DHRSX: variants seen among roughly 807,000 people sequenced by gnomAD.
DHRSX encodes the protein dehydrogenase/reductase X-linked, also known as polyprenol dehydrogenase.
A neutral mutation model predicts 34.0 loss-of-function variants in DHRSX; 31 were observed. The observed-to-expected ratio is 0.91, with a 90% CI of 0.69 to 1.23. The LOEUF (loss-of-function observed/expected upper bound fraction) is 1.23, where lower values mean the gene tolerates loss of function less well. DHRSX is among the 50% of genes most tolerant of loss of function. The pLI, the probability that DHRSX is intolerant of heterozygous loss-of-function variation, is 0.00. For synonymous variants in DHRSX, 201 were observed against 183.8 expected (o/e 1.09, Z -0.76); for missense variants, 414 against 428.1 (o/e 0.97, Z 0.29).
At chrX:2,431,875 C>A (rs1450551980) in intron 1 of DHRSX, among the ~76,000 whole-genome samples, 2 of 152,148 alleles carry the variant, frequency 1.3e-5, no homozygotes, top group Admixed American at 1.3e-4. Context: ...GGGAACAAAC[C>A]TGCACATGTA....
At chrX:2,490,160 T>G in intron 1 of DHRSX, 1 of 1,613,956 alleles carries the variant, frequency 6.2e-7, no homozygotes, top group Non-Finnish European at 8.5e-7. Flanking sequence ...CTCGGCCAGC[T>G]CCTTCAGGAT....
At chrX:2,382,405 T>A (rs1394215704) in intron 3 of DHRSX, among the ~76,000 whole-genome samples, 1 of 152,068 alleles carries the variant, frequency 6.6e-6, no homozygotes, top group Non-Finnish European at 1.5e-5. Flanking sequence ...AAGGGGTTGG[T>A]TCTTTCACAG....
intron 1 of DHRSX, among the ~76,000 whole-genome samples, chrX:2,498,374 TA>T (rs889201919): frequency 1.1e-4 from 16 of 152,062 alleles, no homozygotes; most frequent in Non-Finnish European, 1.9e-4. Context: ...GAGAAGCAAA[TA>T]AAAAATGCCG....
chrX:2,488,857 G>T (rs1192277347), intron 1 of DHRSX: 1 of 1,613,650 alleles, frequency 6.2e-7, no homozygotes, highest in East Asian at 2.2e-5. Flanking sequence ...CGGATCCGAA[G>T]AGACGCTCAG....
At chrX:2,430,327 G>T (rs2043902523) in intron 1 of DHRSX, among the ~76,000 whole-genome samples, 2 of 151,132 alleles carry the variant, frequency 1.3e-5, no homozygotes, top group Admixed American at 1.3e-4. Flanking sequence ...TTAGCTAGAA[G>T]AGTTTAGTGT....
At chrX:2,319,292 C>G (rs188134356) in intron 3 of DHRSX, among the ~76,000 whole-genome samples, 1,903 of 146,290 alleles carry the variant, frequency 0.013, 55 homozygotes, top group African/African-American at 0.044. Context: ...CGCCTATAAT[C>G]CCAGCAGTTT....
intron 1 of DHRSX, among the ~76,000 whole-genome samples, chrX:2,492,597 C>G (rs183077022): frequency 4.6e-5 from 7 of 151,400 alleles, no homozygotes; most frequent in African/African-American, 9.7e-5. Flanking sequence ...TTTGAGTGAG[C>G]CCTAAATGCA....
At chrX:2,223,836 G>C (rs969654337) in intron 6 of DHRSX, among the ~76,000 whole-genome samples, 1 of 152,068 alleles carries the variant, frequency 6.6e-6, no homozygotes. Context: ...TGGAAAATAC[G>C]GAGTCTTTCT....
intron 3 of DHRSX, among the ~76,000 whole-genome samples, chrX:2,325,230 T>G (rs765792281): frequency 9.5e-4 from 145 of 152,008 alleles, no homozygotes; most frequent in Non-Finnish European, 1.7e-3. Flanking sequence ...CGGCTCCATC[T>G]TCCCGGGAGG....
chrX:2,307,261 T>C, intron 3 of DHRSX, among the ~76,000 whole-genome samples: 1 of 152,214 alleles, frequency 6.6e-6, no homozygotes. Flanking sequence ...AGCTAAACAT[T>C]GAATAATCAG....
At chrX:2,409,741 T>G (rs1202635783) in intron 2 of DHRSX, among the ~76,000 whole-genome samples, 2 of 152,020 alleles carry the variant, frequency 1.3e-5, no homozygotes, top group Non-Finnish European at 1.5e-5. Flanking sequence ...TGTTTTGTTT[T>G]TTTTTTGAGA....
Position 2,292,698 on chromosome X carries a change from T to A in DHRSX, c.287-1095A>T, listed in dbSNP as rs142480086. 3.1e-3 allele frequency among the ~76,000 whole-genome samples: 468 copies of A among 152,300 alleles called. 4 individuals carry two copies. Among genetic ancestry groups the A allele is most frequent in the African/African-American group, 0.011 (452 of 41,566 alleles). ...ATCTGTGTTATTTTGTTACAGGGCATATGTAACTAATACACAAAATGGCTC... is the reference window on the plus strand; with the variant it reads ...ATCTGTGTTATTTTGTTACAGGGCAAATGTAACTAATACACAAAATGGCTC... On this transcript the variant is annotated intron_variant, in intron 3 of 6. Coordinates refer to ENST00000334651, the MANE Select transcript of DHRSX (RefSeq NM_145177.3).
At chrX:2,483,430 G>A (rs926623698) in intron 1 of DHRSX, among the ~76,000 whole-genome samples, 2 of 151,922 alleles carry the variant, frequency 1.3e-5, no homozygotes, top group African/African-American at 4.8e-5. Context: ...TCCATGCCTG[G>A]CTAATTTTTT....
In DHRSX at chrX:2,408,647, A is replaced by C. The variant is rs1186508190; in HGVS notation, c.286+98T>G. 11 of 1,072,806 alleles carry C rather than the reference A, an allele frequency of 1.0e-5. No homozygotes were observed. The East Asian group carries it at 2.5e-4, about 24-fold the overall frequency. 66.5% of individuals were successfully genotyped at this position (1,072,806 alleles called of 1,614,324 possible). A position where few individuals can be genotyped will look rare whatever the true frequency, so the allele number is the denominator to read the frequency against. On this transcript the variant is annotated intron_variant, in intron 3 of 6. Coordinates refer to ENST00000334651, the MANE Select transcript of DHRSX (RefSeq NM_145177.3). Reference sequence around the variant, plus strand: ...ATCAGAGCCATCTCTCCCAAATGCCACCTGGCACGTGACTGAAGCTCAGCC... The same window carrying C: ...ATCAGAGCCATCTCTCCCAAATGCCCCCTGGCACGTGACTGAAGCTCAGCC...
At chrX:2,254,715 C>A (rs1232795575) in intron 5 of DHRSX, among the ~76,000 whole-genome samples, 1 of 151,258 alleles carries the variant, frequency 6.6e-6, no homozygotes, top group African/African-American at 2.4e-5. Context: ...GGTGCGATCT[C>A]GGCTCACTGC....
chrX:2,336,258 T>A (rs1452165547), intron 3 of DHRSX: 1 of 151,874 alleles, frequency 6.6e-6, no homozygotes, highest in Non-Finnish European at 1.5e-5. Context: ...TCCGCCTGCC[T>A]CACCCTCCCA....
At chrX:2,401,936 T>A (rs1029382046) in intron 3 of DHRSX, among the ~76,000 whole-genome samples, 1 of 152,264 alleles carries the variant, frequency 6.6e-6, no homozygotes, top group Admixed American at 6.5e-5. Flanking sequence ...CAATTAGCCG[T>A]CCTTCTGTGG....
intron 6 of DHRSX, among the ~76,000 whole-genome samples, chrX:2,231,042 G>T (rs186434062): frequency 1.3e-5 from 2 of 152,186 alleles, no homozygotes; most frequent in South Asian, 4.1e-4. Flanking sequence ...GGAAGGTCTC[G>T]CACAGAGACC....
At chrX:2,261,933 C>T (rs1208605191) in intron 5 of DHRSX, among the ~76,000 whole-genome samples, 1 of 152,196 alleles carries the variant, frequency 6.6e-6, no homozygotes, top group Non-Finnish European at 1.5e-5. Context: ...AAGCAGCTCA[C>T]ATTCCCCAGG....
Sources: gnomAD v4.1 joint callset for allele counts (sites outside exome capture counted in the v4.1 genomes callset) on GRCh38, gnomAD v4.1.1 for gene constraint, MANE v1.5 for transcripts, NCBI Gene and HGNC (gene_info 2026-07-23, HGNC 2026-07-21) for gene names.